ADGRB3: variants seen among roughly 807,000 people sequenced by gnomAD.
The protein encoded by ADGRB3 is brain-specific angiogenesis inhibitor 3.
ADGRB3 carries 37 observed loss-of-function variants against 193.4 expected under a neutral mutation model. The observed-to-expected ratio is 0.19, with a 90% CI of 0.15 to 0.25. The LOEUF is 0.25. Among genes scored for constraint, ADGRB3 ranks in the 10% least tolerant of loss-of-function variants. The pLI, the probability that ADGRB3 is intolerant of heterozygous loss-of-function variation, is 1.00. For synonymous variants in ADGRB3, 690 were observed against 644.2 expected, an observed-to-expected ratio of 1.07 and a Z score of -1.08; for missense variants, 1,637 against 1,852.9, an observed-to-expected ratio of 0.88 and a Z score of 2.14.
intron 3 of ADGRB3, among the ~76,000 whole-genome samples, chr6:68,909,564 G>T (rs1292586943): frequency 1.3e-5 from 2 of 152,174 alleles, no homozygotes; most frequent in Non-Finnish European, 2.9e-5. Flanking sequence ...AAATGTTGTT[G>T]TCACTTCAGA....
intron 24 of ADGRB3, among the ~76,000 whole-genome samples, chr6:69,335,367 G>A (rs1768823869): frequency 6.6e-6 from 1 of 152,016 alleles, no homozygotes; most frequent in Non-Finnish European, 1.5e-5. Context: ...TGTTTCACTG[G>A]CAAAACTGAG....
At chr6:69,243,366 T>C (rs892327287) in intron 20 of ADGRB3, among the ~76,000 whole-genome samples, 1 of 151,986 alleles carries the variant, frequency 6.6e-6, no homozygotes, top group Non-Finnish European at 1.5e-5. Flanking sequence ...ACCCTGTATG[T>C]AACATTCAGT....
At chr6:68,844,759 C>A (rs1229987834) in intron 3 of ADGRB3, among the ~76,000 whole-genome samples, 1 of 152,094 alleles carries the variant, frequency 6.6e-6, no homozygotes, top group South Asian at 2.1e-4. Context: ...AAATTTGGTA[C>A]ATGCACAAAA....
chr6:68,983,734 G>C (rs1319706111), intron 10 of ADGRB3, among the ~76,000 whole-genome samples: 1 of 151,900 alleles, frequency 6.6e-6, no homozygotes, highest in African/African-American at 2.4e-5. Flanking sequence ...ATAGACAGGA[G>C]ATGCGATTAA....
chr6:69,049,406 G>A, intron 15 of ADGRB3, 60 bp downstream of exon 15: 2 of 1,226,946 alleles, frequency 1.6e-6, no homozygotes, highest in Non-Finnish European at 2.3e-6. Context: ...TGTGATTATA[G>A]CTCATTCTAT....
At chr6:68,948,505 AT>A (rs1334125905) in intron 6 of ADGRB3, among the ~76,000 whole-genome samples, 2 of 152,156 alleles carry the variant, frequency 1.3e-5, no homozygotes, top group East Asian at 1.9e-4. Context: ...CCAAAATAAA[AT>A]TTATATAACC....
chr6:69,177,076 T>A (rs1197714098), intron 17 of ADGRB3, among the ~76,000 whole-genome samples: 1 of 152,168 alleles, frequency 6.6e-6, no homozygotes, highest in African/African-American at 2.4e-5. Flanking sequence ...AAAGAACCAT[T>A]TTTGGTTTTG....
At chr6:68,912,992 G>A (rs1300906466) in intron 3 of ADGRB3, among the ~76,000 whole-genome samples, 2 of 152,294 alleles carry the variant, frequency 1.3e-5, no homozygotes, top group East Asian at 1.9e-4. Flanking sequence ...ACTGCAAGGC[G>A]GCAGCGAGGC....
intron 17 of ADGRB3, among the ~76,000 whole-genome samples, chr6:69,138,847 A>C (rs1449885042): frequency 6.6e-6 from 1 of 152,232 alleles, no homozygotes; most frequent in Non-Finnish European, 1.5e-5. Context: ...AAAGGTTATA[A>C]AAGGAATAAT....
intron 3 of ADGRB3, among the ~76,000 whole-genome samples, chr6:68,742,017 A>T (rs972192704): frequency 1.1e-4 from 16 of 152,224 alleles, no homozygotes; most frequent in Admixed American, 9.2e-4. Context: ...GAATGTTCAT[A>T]TATCTTTTGT....
At chr6:69,213,567 C>T in intron 17 of ADGRB3, among the ~76,000 whole-genome samples, 1 of 152,104 alleles carries the variant, frequency 6.6e-6, no homozygotes, top group East Asian at 1.9e-4. Context: ...AACTATTTTT[C>T]CATATTTATC....
intron 3 of ADGRB3, among the ~76,000 whole-genome samples, chr6:68,869,307 AACTATG>A (rs1029770143): frequency 6.6e-6 from 1 of 152,212 alleles, no homozygotes; most frequent in African/African-American, 2.4e-5. Context: ...TTACAATTTT[AACTATG>A]ACTAAAGCCA....
At chr6:69,317,876 A>C (rs1768351644) in intron 20 of ADGRB3, among the ~76,000 whole-genome samples, 1 of 151,522 alleles carries the variant, frequency 6.6e-6, no homozygotes. Context: ...TCCAAATGAC[A>C]TTGTTGCTAA....
chr6:69,069,385 T>C (rs1772004648), intron 16 of ADGRB3, among the ~76,000 whole-genome samples: 1 of 151,206 alleles, frequency 6.6e-6, no homozygotes, highest in South Asian at 2.1e-4. Context: ...TGTGGAAAAA[T>C]TTACGTCTAC....
chr6:69,007,689 TCTCTCACACACACACACACACA>T, intron 11 of ADGRB3, among the ~76,000 whole-genome samples: 1 of 118,698 alleles, frequency 8.4e-6, no homozygotes, highest in South Asian at 2.8e-4. Flanking sequence ...TCTCTCTCTC[TCTCTCACACACACACACACACA>T]CACACACACA....
chr6:68,719,183 A>T (rs1344171397), intron 3 of ADGRB3, among the ~76,000 whole-genome samples: 2 of 151,686 alleles, frequency 1.3e-5, no homozygotes, highest in Non-Finnish European at 2.9e-5. Flanking sequence ...TTCCTGCCTT[A>T]GTTGGTTTTT....
rs58780409 is a variant in ADGRB3 at position 69,376,082 on chromosome 6, C to CTTTTTTTTTT, written c.4275+3660_4275+3669dup. On this transcript the variant is annotated intron_variant, in intron 30 of 31. Transcript: ENST00000370598. ...CAGTTTTCCATGAAAATTATGTAGC[C>CTTTTTTTTTT]TTTTTTTTTTTTTTTTTTTTTTTTT... Among the ~76,000 whole-genome samples, 3 of 67,370 alleles carry CTTTTTTTTTT rather than the reference C, an allele frequency of 4.5e-5. 1 individual carries two copies. Among genetic ancestry groups the CTTTTTTTTTT allele is most frequent in the Admixed American group, 1.9e-4 (1 of 5,218 alleles). 44.2% of individuals were successfully genotyped at this position (67,370 alleles called of 152,430 possible).
chr6:69,279,103 A>G (rs959844807), intron 20 of ADGRB3, among the ~76,000 whole-genome samples: 4 of 134,754 alleles, frequency 3.0e-5, no homozygotes, highest in East Asian at 2.1e-4. Context: ...ATATATATAT[A>G]TATATATATA....
At chr6:69,045,565 C>A (rs1291821999) in intron 13 of ADGRB3, among the ~76,000 whole-genome samples, 2 of 152,022 alleles carry the variant, frequency 1.3e-5, no homozygotes, top group Non-Finnish European at 2.9e-5. Context: ...ATGCTATTAG[C>A]TCAAATTAGC....
Sources: allele counts gnomAD v4.1 joint callset (sites outside exome capture counted in the v4.1 genomes callset), GRCh38; gene constraint gnomAD v4.1.1; transcripts MANE v1.5; gene names NCBI Gene and HGNC (gene_info 2026-07-23, HGNC 2026-07-21).